MDGA1: variants seen among roughly 807,000 people sequenced by gnomAD.
MDGA1 encodes MAM domain containing glycosylphosphatidylinositol anchor 1, also known as MAM domain-containing glycosylphosphatidylinositol anchor protein 1.
In MDGA1, 54 loss-of-function variants were observed where a neutral mutation model predicts 101.5. The observed-to-expected ratio is 0.53, with a 90% CI of 0.43 to 0.67. MDGA1 has a LOEUF of 0.67. Ranked by LOEUF, MDGA1 falls within the 30% of genes least tolerant of loss-of-function variation. The probability of loss-of-function intolerance (pLI) is 0.00; values close to 1 mark genes in which losing one functional copy is unlikely to be tolerated. For missense variants in MDGA1, 1,083 were observed against 1,323.8 expected, an observed-to-expected ratio of 0.82 and a Z score of 2.82; for synonymous variants, 533 against 558.3, an observed-to-expected ratio of 0.95 and a Z score of 0.64.
rs1412772462 is a variant in MDGA1 at position 37,647,246 on chromosome 6, T to C, written c.1973A>G (p.Tyr658Cys). The C allele has an allele frequency of 3.2e-6, 5 of 1,581,162 alleles. No homozygotes were observed. The highest frequency in any genetic ancestry group is 2.3e-5 in the East Asian group (1 of 43,298). ...CTCCCTCTGAGTCCACTGCAGCACGTAGGAGTAGTTCTTGGACAGCTTGTG... is the reference window on the plus strand; with the variant it reads ...CTCCCTCTGAGTCCACTGCAGCACGCAGGAGTAGTTCTTGGACAGCTTGTG... ...RSHKLSKNYS[Y>C]VLQWTQREPD... Residue 658 changes from tyrosine to cysteine, a missense_variant, in exon 10 of 17, where the codon TAC becomes TGC. Physicochemically the swap from Tyr to Cys is radical, Grantham distance 194 (BLOSUM62 -2). Coordinates refer to ENST00000434837, the MANE Select transcript of MDGA1 (RefSeq NM_153487.4).
chr6:37,686,092 A>T (rs1762191546), intron 1 of MDGA1, among the ~76,000 whole-genome samples: 1 of 152,188 alleles, frequency 6.6e-6, no homozygotes, highest in Non-Finnish European at 1.5e-5. Flanking sequence ...GAATGTGCCC[A>T]TCTAAAAAAC....
intron 1 of MDGA1, among the ~76,000 whole-genome samples, chr6:37,668,807 G>A (rs1761809074): frequency 6.6e-6 from 1 of 152,140 alleles, no homozygotes; most frequent in African/African-American, 2.4e-5. Context: ...TATTTGCTGG[G>A]AAGGGCACAA....
rs1762421320 is a variant in MDGA1 at position 37,696,472 on chromosome 6, C to T, written c.67+273G>A. Among the ~76,000 whole-genome samples the T allele has an allele frequency of 6.6e-6, 1 of 152,152 alleles. No homozygotes were observed. Among genetic ancestry groups the T allele is most frequent in the Admixed American group, 6.5e-5 (1 of 15,278 alleles). On this transcript the variant is annotated intron_variant, in intron 1 of 16. Transcript: ENST00000434837. The surrounding 1 kb of genome is among the most constrained non-coding windows in gnomAD (Gnocchi z 5.6). ...GTCTCCCGAGCCGACCGGGTGCTCT[C>T]AAGGGTTCCTAATCATTCCCACCTC...
intron 2 of MDGA1, 61 bp downstream of exon 2, chr6:37,663,906 T>G: frequency 6.3e-7 from 1 of 1,593,512 alleles, no homozygotes; most frequent in Non-Finnish European, 8.6e-7. Flanking sequence ...TCTTCTTAAG[T>G]GCTGAGCCTA....
chr6:37,655,643 C>G lies in MDGA1; in HGVS notation c.579+57G>C, dbSNP rs374886843. 1 of 1,392,616 alleles carries G rather than the reference C, an allele frequency of 7.2e-7. No individual in the cohort carries two copies. Among genetic ancestry groups the G allele is most frequent in the Non-Finnish European group, 9.8e-7 (1 of 1,025,372 alleles). 86.3% of individuals were successfully genotyped at this position (1,392,616 alleles called of 1,614,324 possible). ...TCCCAAAAACTCAGCCCCATGCCCCCCTCCCCTGTTGGATGCAGGAGAAGT... is the reference window on the plus strand; with the variant it reads ...TCCCAAAAACTCAGCCCCATGCCCCGCTCCCCTGTTGGATGCAGGAGAAGT... On this transcript the variant is annotated intron_variant, in intron 4 of 16. Coordinates refer to ENST00000434837, the MANE Select transcript of MDGA1 (RefSeq NM_153487.4). The surrounding 1 kb of genome is among the most constrained non-coding windows in gnomAD (Gnocchi z 5.1).
Position 37,640,478 on chromosome 6 carries a change from G to A in MDGA1, c.2537-1811C>T, listed in dbSNP as rs138448586. Among the ~76,000 whole-genome samples the A allele has an allele frequency of 8.2e-4, 125 of 152,062 alleles. 1 individual carries two copies. The highest frequency in any genetic ancestry group is 1.2e-3 in the Non-Finnish European group (84 of 67,974). ...CTCAGCCTCCCAAGTAGCTAGGACC[G>A]TAGGCACGCACCACCACACCTGGCT... On this transcript the variant is annotated intron_variant, in intron 14 of 16. Coordinates refer to ENST00000434837, the MANE Select transcript of MDGA1 (RefSeq NM_153487.4).
intron 2 of MDGA1, among the ~76,000 whole-genome samples, chr6:37,660,768 CT>C: frequency 6.6e-6 from 1 of 152,292 alleles, no homozygotes; most frequent in East Asian, 1.9e-4. Flanking sequence ...TGGACTGACT[CT>C]TCTGGCACTG....
intron 1 of MDGA1, among the ~76,000 whole-genome samples, chr6:37,668,571 C>T (rs79359497): frequency 0.021 from 3,211 of 152,212 alleles, 44 homozygotes; most frequent in Middle Eastern, 0.078. Flanking sequence ...GAATATTCCC[C>T]GTTAAGTGAA....
chr6:37,644,616 C>T lies in MDGA1; in HGVS notation c.2282G>A (p.Cys761Tyr). Residue 761 changes from cysteine to tyrosine, a missense_variant, in exon 13 of 17, where the codon TGT (cysteine) becomes TAT (tyrosine). By Grantham distance (194) the Cys-to-Tyr change is radical. Coordinates refer to ENST00000434837, the MANE Select transcript of MDGA1 (RefSeq NM_153487.4). ...NTCHFEDEKI[C>Y]GYTQDLTDNF... ...GTCTGTCAGGTCCTGGGTATAGCCACAGATCTTCTCATCCTCAAAGTGGCA... is the reference window on the plus strand; with the variant it reads ...GTCTGTCAGGTCCTGGGTATAGCCATAGATCTTCTCATCCTCAAAGTGGCA... 3.1e-6 allele frequency: 5 copies of T among 1,600,162 alleles called. No homozygotes were observed. Among genetic ancestry groups the T allele is most frequent in the Non-Finnish European group, 4.3e-6 (5 of 1,173,702 alleles).
intron 2 of MDGA1, among the ~76,000 whole-genome samples, chr6:37,660,696 CT>C (rs1761602772): frequency 6.6e-6 from 1 of 152,144 alleles, no homozygotes; most frequent in African/African-American, 2.4e-5. Flanking sequence ...TTTGAAGATC[CT>C]TTCAAATTGC....
chr6:37,638,741 C>T lies in MDGA1; in HGVS notation c.2537-74G>A, dbSNP rs1763995492. 1 of 1,535,466 alleles carries T rather than the reference C, an allele frequency of 6.5e-7. No homozygotes were observed. Among genetic ancestry groups the T allele is most frequent in the South Asian group, 1.2e-5 (1 of 82,490 alleles). On this transcript the variant is annotated intron_variant, in intron 14 of 16. Transcript: ENST00000434837. The surrounding 1 kb of genome is among the most constrained non-coding windows in gnomAD (Gnocchi z 4.8). ...CTCACCTTTCCACATTTACCAAGCCCTCTTCTCCCACCATAGCCTGCAGCC... is the reference window on the plus strand; with the variant it reads ...CTCACCTTTCCACATTTACCAAGCCTTCTTCTCCCACCATAGCCTGCAGCC...
intron 9 of MDGA1, chr6:37,648,622 G>A (rs555252615): frequency 9.0e-6 from 3 of 332,782 alleles, no homozygotes; most frequent in African/African-American, 2.2e-5. Flanking sequence ...TGAAAGCGGC[G>A]CGGTTGTCAC....
chr6:37,671,141 C>T (rs1761860642), intron 1 of MDGA1, among the ~76,000 whole-genome samples: 1 of 152,172 alleles, frequency 6.6e-6, no homozygotes, highest in African/African-American at 2.4e-5. Flanking sequence ...AACCTGTGTG[C>T]CACAGAGTGT....
chr6:37,653,950 C>CT (rs1761424098), intron 6 of MDGA1, among the ~76,000 whole-genome samples: 1 of 151,190 alleles, frequency 6.6e-6, no homozygotes, highest in South Asian at 2.1e-4. Flanking sequence ...CCCCATTTAG[C>CT]TTTTGCAGCC....
At position 37,696,755 on chromosome 6, in the gene MDGA1, T is replaced by A; in HGVS notation, c.57A>T (p.Gln19His). 6.3e-7 allele frequency: 1 copy of A among 1,582,876 alleles called. No individual in the cohort carries two copies. Among genetic ancestry groups the A allele is most frequent in the Non-Finnish European group, 8.6e-7 (1 of 1,163,778 alleles). The change falls in exon 1 of 17, where the codon CAA (glutamine) becomes CAT (histidine). Residue 19 changes from glutamine to histidine, a missense_variant. Physicochemically the swap from Gln to His is conservative, Grantham distance 24. Around this residue, in one of 3 missense-constraint regions of MDGA1, gnomAD observed 310 missense variants for 355.9 expected, o/e 0.87. Transcript: ENST00000434837. The surrounding 1 kb of genome is among the most constrained non-coding windows in gnomAD (Gnocchi z 5.6). ...LALIPFHCRGQGVYAPAQAQI... is the reference protein window; with the variant it reads ...LALIPFHCRGHGVYAPAQAQI... ...GACGCGGGCTCTTACCGTAGACTCCTTGTCCCCGGCAGTGGAAGGGGATCA... is the reference window on the plus strand; with the variant it reads ...GACGCGGGCTCTTACCGTAGACTCCATGTCCCCGGCAGTGGAAGGGGATCA...
At chr6:37,674,782 ACGGCGGCTCACACCTGTAATC>A (rs970965339) in intron 1 of MDGA1, among the ~76,000 whole-genome samples, 1 of 152,180 alleles carries the variant, frequency 6.6e-6, no homozygotes, top group Non-Finnish European at 1.5e-5. Context: ...ATTGCTGGGC[ACGGCGGCTCACACCTGTAATC>A]CTAGCACTTT....
chr6:37,662,643 A>AAAAAAAAAAAAAAAAGAAAAGAAAAG (rs572346506), intron 2 of MDGA1, among the ~76,000 whole-genome samples: 1 of 145,230 alleles, frequency 6.9e-6, no homozygotes, highest in Non-Finnish European at 1.5e-5. Flanking sequence ...TCAAAAAAAA[A>AAAAAAAAAAAAAAAAGAAAAGAAAAG]AAAACAAGGA....
chr6:37,685,592 G>A (rs1445446136), intron 1 of MDGA1, among the ~76,000 whole-genome samples: 1 of 152,212 alleles, frequency 6.6e-6, no homozygotes, highest in Admixed American at 6.5e-5. Flanking sequence ...GAAATCAGGA[G>A]GCTGCTTTTT....
chr6:37,657,425 G>A (rs1045238168), intron 3 of MDGA1, among the ~76,000 whole-genome samples: 12 of 152,200 alleles, frequency 7.9e-5, no homozygotes, highest in African/African-American at 2.9e-4. Flanking sequence ...GGTGGGCATT[G>A]GTGGGGTCCA....
Sources: gnomAD v4.1 joint callset for allele counts (sites outside exome capture counted in the v4.1 genomes callset) on GRCh38, gnomAD v4.1.1 for gene constraint, gnomAD v4.1.1 regional missense constraint, Gnocchi (gnomAD v3.1) non-coding constraint, MANE v1.5 for transcripts, NCBI Gene and HGNC (gene_info 2026-07-23, HGNC 2026-07-21) for gene names.